Variants in KLF15 observed in about 807,000 individuals in gnomAD.
KLF15 encodes the protein Krueppel-like factor 15.
In KLF15, 4 loss-of-function variants were observed where a neutral mutation model predicts 24.6. That is an observed-to-expected ratio of 0.16 (90% CI 0.08 to 0.37). KLF15 has a LOEUF of 0.37. Ranked by LOEUF, KLF15 falls within the 10% of genes least tolerant of loss-of-function variation. The pLI is 1.00. For missense variants in KLF15, 496 were observed against 560.6 expected (o/e 0.88, Z 1.16); for synonymous variants, 246 against 236.3 (o/e 1.04, Z -0.37).
chr3:126,333,996 A>G, the KLF15 span, among the ~76,000 whole-genome samples: 3 of 152,078 alleles, frequency 2.0e-5, no homozygotes, highest in African/African-American at 7.2e-5. Flanking sequence ...CCCCACTGTC[A>G]ACATTGGACA....
At chr3:126,312,188 A>AT in the KLF15 span, among the ~76,000 whole-genome samples, 1 of 152,018 alleles carries the variant, frequency 6.6e-6, no homozygotes, top group African/African-American at 2.4e-5. Context: ...GTCTTTTGGG[A>AT]TTTTTTAGAG....
At chr3:126,294,349 T>G in the KLF15 span, among the ~76,000 whole-genome samples, 1 of 152,218 alleles carries the variant, frequency 6.6e-6, no homozygotes, top group Non-Finnish European at 1.5e-5. Context: ...AGACACTGTT[T>G]GTGCTTAGAT....
the KLF15 span, among the ~76,000 whole-genome samples, chr3:126,301,217 C>T: frequency 2.8e-4 from 42 of 152,080 alleles, no homozygotes; most frequent in African/African-American, 9.4e-4. Flanking sequence ...TCTGTGTAGC[C>T]GCCAGGGCCC....
chr3:126,343,715 T>G lies in KLF15; in HGVS notation c.*12A>C, dbSNP rs772518216. ...ATCCGGGGTGACGGACAGGCTGGGGTTCAGGGCGCTTTCAGTTCACGGAGC... is the reference window on the plus strand; with the variant it reads ...ATCCGGGGTGACGGACAGGCTGGGGGTCAGGGCGCTTTCAGTTCACGGAGC... On this transcript the variant is annotated 3_prime_UTR_variant, in exon 3 of 3. Transcript: ENST00000296233. The G allele has an allele frequency of 1.9e-5, 31 of 1,607,064 alleles. No individual in the cohort carries two copies. In the East Asian group the frequency reaches 6.5e-4, roughly 34 times the overall value.
rs768676875 is a variant in KLF15 at position 126,351,896 on chromosome 3, G to A, written c.1027C>T (p.Arg343Cys). 2.5e-6 allele frequency: 4 copies of A among 1,614,100 alleles called. No homozygotes were observed. The highest frequency in any genetic ancestry group is 3.3e-5 in the Admixed American group (2 of 60,008). Reference protein sequence around the residue: ...TKSSHLKAHLRRHTGEKPFAC... With the variant: ...TKSSHLKAHLCRHTGEKPFAC... ...AAGGGCTTCTCACCCGTGTGCCGGC[G>A]CAGGTGGGCCTTGAGGTGGCTGCTT... The change falls in exon 2 of 3, where the codon CGC becomes TGC. Residue 343 changes from arginine (R) to cysteine (C), a missense_variant. Physicochemically the swap from Arg to Cys is radical, Grantham distance 180. Transcript: ENST00000296233.
intron 2 of KLF15, 99 bp downstream of exon 2, chr3:126,351,742 A>T: frequency 8.6e-7 from 1 of 1,161,884 alleles, no homozygotes; most frequent in Non-Finnish European, 1.2e-6. Flanking sequence ...TCCCTCATCT[A>T]CCTTCTGTTA....
intron 2 of KLF15, among the ~76,000 whole-genome samples, chr3:126,345,909 G>A (rs531509956): frequency 6.6e-6 from 1 of 152,360 alleles, no homozygotes; most frequent in South Asian, 2.1e-4. Context: ...AAGCCCAACT[G>A]CCCTGCCTGT....
chr3:126,307,500 G>C, the KLF15 span, among the ~76,000 whole-genome samples: 38,958 of 151,996 alleles, frequency 0.26, 5,628 homozygotes, highest in South Asian at 0.39. Context: ...GTCCTAAGGG[G>C]AATTGTTAGA....
At chr3:126,331,868 G>T in the KLF15 span, among the ~76,000 whole-genome samples, 2 of 152,160 alleles carry the variant, frequency 1.3e-5, no homozygotes, top group Non-Finnish European at 1.5e-5. Flanking sequence ...GATGCACCTG[G>T]AAAATCGGGT....
the KLF15 span, among the ~76,000 whole-genome samples, chr3:126,332,108 G>T: frequency 2.6e-5 from 4 of 152,360 alleles, no homozygotes; most frequent in Middle Eastern, 3.4e-3. Flanking sequence ...AGGCGCCACC[G>T]CTGGGGGCAG....
chr3:126,350,664 TGCACACAC>T (rs2082575322), intron 2 of KLF15, among the ~76,000 whole-genome samples: 1 of 152,210 alleles, frequency 6.6e-6, no homozygotes, highest in African/African-American at 2.4e-5. Flanking sequence ...ACATAACACA[TGCACACAC>T]AGGCAGCCAC....
the KLF15 span, among the ~76,000 whole-genome samples, chr3:126,306,088 A>T: frequency 6.6e-6 from 1 of 152,144 alleles, no homozygotes; most frequent in Non-Finnish European, 1.5e-5. Flanking sequence ...CTTCATCCCC[A>T]TGGGGTCTCA....
chr3:126,319,616 G>T, the KLF15 span, among the ~76,000 whole-genome samples: 9 of 152,116 alleles, frequency 5.9e-5, no homozygotes, highest in African/African-American at 7.2e-5. Context: ...TTGAATCAAG[G>T]TGTTCATTTT....
the KLF15 span, among the ~76,000 whole-genome samples, chr3:126,331,867 G>A: frequency 5.9e-5 from 9 of 152,286 alleles, no homozygotes; most frequent in Admixed American, 6.5e-5. Flanking sequence ...GGATGCACCT[G>A]GAAAATCGGG....
chr3:126,335,316 CA>C, the KLF15 span, among the ~76,000 whole-genome samples: 1 of 141,524 alleles, frequency 7.1e-6, no homozygotes, highest in Non-Finnish European at 1.5e-5. Flanking sequence ...GAGCCAAAGA[CA>C]AAAACCACAT....
At chr3:126,314,270 C>T in the KLF15 span, among the ~76,000 whole-genome samples, 2 of 152,140 alleles carry the variant, frequency 1.3e-5, no homozygotes, top group African/African-American at 4.8e-5. Flanking sequence ...TGGGTCCCCC[C>T]TTGACAGGAG....
At chr3:126,289,916 G>A in the KLF15 span, among the ~76,000 whole-genome samples, 1 of 152,334 alleles carries the variant, frequency 6.6e-6, no homozygotes, top group South Asian at 2.1e-4. Context: ...AAGCCAGCTG[G>A]AGGGGACAGA....
At chr3:126,314,497 G>A in the KLF15 span, among the ~76,000 whole-genome samples, 2 of 152,118 alleles carry the variant, frequency 1.3e-5, no homozygotes, top group African/African-American at 4.8e-5. Flanking sequence ...AGGGCTCAGG[G>A]CTCCCACACA....
chr3:126,305,532 C>G, the KLF15 span, among the ~76,000 whole-genome samples: 2 of 152,200 alleles, frequency 1.3e-5, no homozygotes, highest in African/African-American at 4.8e-5. Flanking sequence ...GTGTCTGTCT[C>G]TTTTATCAAG....
Sources: allele counts gnomAD v4.1 joint callset (sites outside exome capture counted in the v4.1 genomes callset), GRCh38; gene constraint gnomAD v4.1.1; transcripts MANE v1.5; gene names NCBI Gene and HGNC (gene_info 2026-07-23, HGNC 2026-07-21).